Variants in UNC13B observed in about 807,000 individuals in gnomAD.
UNC13B encodes protein unc-13 homolog B.
A neutral mutation model predicts 211.0 loss-of-function variants in UNC13B; 144 were observed. The ratio of observed to expected loss-of-function variants is 0.68; its 90% CI spans 0.60 to 0.78. The LOEUF (loss-of-function observed/expected upper bound fraction) is 0.78. Ranked by LOEUF, UNC13B falls within the 30% of genes least tolerant of loss-of-function variation. The pLI is 0.00. For missense variants in UNC13B, 1,777 were observed against 2,002.0 expected (o/e 0.89, Z 2.14); for synonymous variants, 709 against 725.8 (o/e 0.98, Z 0.37).
chr9:35,328,659 CCTTCCTCCCTCCCTT>C (rs1208522384), intron 11 of UNC13B, among the ~76,000 whole-genome samples: 1 of 106,598 alleles, frequency 9.4e-6, no homozygotes, highest in African/African-American at 5.1e-5. Flanking sequence ...TTCCTTCCTT[CCTTCCTCCCTCCCTT>C]CCTTCCCTTC....
intron 37 of UNC13B, among the ~76,000 whole-genome samples, chr9:35,402,405 C>T (rs180817117): frequency 2.0e-4 from 30 of 152,030 alleles, no homozygotes; most frequent in African/African-American, 6.0e-4. Context: ...CCTCAGCCTC[C>T]CTAGTAGCTG....
chr9:35,259,323 A>G (rs916941159), intron 7 of UNC13B, among the ~76,000 whole-genome samples: 3 of 152,014 alleles, frequency 2.0e-5, no homozygotes, highest in African/African-American at 7.2e-5. Flanking sequence ...AACCCCCTCT[A>G]TCCCTGTTTA....
intron 22 of UNC13B, chr9:35,384,801 T>C: frequency 1.1e-6 from 1 of 908,458 alleles, no homozygotes; most frequent in South Asian, 5.1e-5. Context: ...GAAATAGGTA[T>C]AGTAGGAGGA....
At chr9:35,402,175 T>C (rs1336134747) in intron 37 of UNC13B, among the ~76,000 whole-genome samples, 1 of 152,150 alleles carries the variant, frequency 6.6e-6, no homozygotes, top group African/African-American at 2.4e-5. Context: ...AGGAAGGGGT[T>C]CTGTTGTTGA....
At chr9:35,250,763 A>G (rs2131589169) in intron 6 of UNC13B, among the ~76,000 whole-genome samples, 1 of 152,298 alleles carries the variant, frequency 6.6e-6, no homozygotes, top group Middle Eastern at 3.4e-3. Flanking sequence ...ATGACATTTT[A>G]TACTCCTACC....
chr9:35,315,835 T>A (rs1299564047), intron 11 of UNC13B, among the ~76,000 whole-genome samples: 1 of 152,230 alleles, frequency 6.6e-6, no homozygotes, highest in Non-Finnish European at 1.5e-5. Context: ...AGCATGTTCT[T>A]CAGTTTGGGT....
intron 11 of UNC13B, among the ~76,000 whole-genome samples, chr9:35,348,344 C>T (rs992130767): frequency 6.6e-6 from 1 of 152,192 alleles, no homozygotes. Flanking sequence ...TCTTCCTCAG[C>T]GTTCAGGCTG....
intron 1 of UNC13B, among the ~76,000 whole-genome samples, chr9:35,177,651 G>A (rs528301329): frequency 3.3e-5 from 5 of 152,264 alleles, no homozygotes; most frequent in African/African-American, 1.2e-4. Flanking sequence ...AAACAAACAG[G>A]ATATGATCAG....
At chr9:35,310,826 C>A (rs757198864) in intron 10 of UNC13B, 45 bp downstream of exon 10, 25 of 1,560,272 alleles carry the variant, frequency 1.6e-5, no homozygotes, top group Non-Finnish European at 1.9e-5. Flanking sequence ...TTCCTCAGTA[C>A]CTGCCCTGTG....
At chr9:35,387,870 G>A (rs1835285270) in intron 24 of UNC13B, among the ~76,000 whole-genome samples, 1 of 152,084 alleles carries the variant, frequency 6.6e-6, no homozygotes, top group African/African-American at 2.4e-5. Flanking sequence ...TTGTTATTTT[G>A]TTGTTACTAT....
Position 35,404,397 on chromosome 9 carries a change from C to T in UNC13B, c.*364C>T. The T allele has an allele frequency of 2.4e-5, 6 of 251,912 alleles. No homozygotes were observed. The East Asian group carries it at 3.5e-4, about 15-fold the overall frequency. 15.6% of individuals were successfully genotyped at this position (251,912 alleles called of 1,614,324 possible). ...CACACCTTATCCAGTTAGACACATA[C>T]ATACCAATCATTAGAAGAACAAGTT... On this transcript the variant is annotated 3_prime_UTR_variant, in exon 40 of 40. Coordinates refer to ENST00000635942, the MANE Select transcript of UNC13B (RefSeq NM_001371189.2).
chr9:35,206,793 G>C (rs1175155084), intron 1 of UNC13B, among the ~76,000 whole-genome samples: 1 of 149,822 alleles, frequency 6.7e-6, no homozygotes, highest in African/African-American at 2.5e-5. Flanking sequence ...GGAATCACTT[G>C]AACTGAGGAG....
Position 35,399,206 on chromosome 9 carries a change from T to C in UNC13B, c.12120T>C (p.Arg4040=). Residue 4040 remains arginine (R), a synonymous_variant, in exon 34 of 40, where the codon CGT becomes CGC. Transcript: ENST00000635942. ...TGTGTGAGAAGACGGTTCTGAAGCG[T>C]GTACTGAAGGAGCTCTGGCGCGTGG... is the stretch of plus-strand genomic sequence containing the variant. ...ATVCEKTVLK[R]VLKELWRVVM... is the part of the protein sequence containing the mutation. 1.2e-6 allele frequency: 2 copies of C among 1,614,062 alleles called. No homozygotes were observed. The highest frequency in any genetic ancestry group is 8.5e-7 in the Non-Finnish European group (1 of 1,180,014).
chr9:35,317,651 T>C (rs1312409246), intron 11 of UNC13B, among the ~76,000 whole-genome samples: 2 of 150,736 alleles, frequency 1.3e-5, no homozygotes, highest in African/African-American at 4.9e-5. Context: ...GCCTCCCTAG[T>C]AGCTGGGACT....
intron 1 of UNC13B, among the ~76,000 whole-genome samples, chr9:35,223,972 T>G (rs1824701049): frequency 1.3e-5 from 2 of 152,190 alleles, no homozygotes; most frequent in African/African-American, 4.8e-5. Flanking sequence ...ATACATGGAT[T>G]TATTTCTGGG....
intron 7 of UNC13B, among the ~76,000 whole-genome samples, chr9:35,265,753 A>G (rs555219457): frequency 2.6e-5 from 4 of 152,176 alleles, no homozygotes; most frequent in Non-Finnish European, 5.9e-5. Context: ...TCCAAGCAAC[A>G]TAGTGAGACC....
Position 35,301,233 on chromosome 9 carries a change from T to G in UNC13B, c.1829T>G (p.Ile610Arg). ...TCTCAAAAAGATGATAATGTGAATATAGACAGACATAGAAAAACCTCTGAA... is the reference window on the plus strand; with the variant it reads ...TCTCAAAAAGATGATAATGTGAATAGAGACAGACATAGAAAAACCTCTGAA... The part of the protein sequence containing the change: ...LSSQKDDNVN[I>R]DRHRKTSENE... The change falls in exon 9 of 40, where the codon ATA (isoleucine) becomes AGA (arginine). Residue 610 changes from isoleucine (I) to arginine (R), a missense_variant. Transcript: ENST00000635942. 5.0e-6 allele frequency: 2 copies of G among 398,870 alleles called. No homozygotes were observed. Among genetic ancestry groups the G allele is most frequent in the Non-Finnish European group, 8.9e-6 (2 of 225,940 alleles). The allele number at this position is 398,870 out of a possible 1,614,324, so 24.7% of individuals were successfully genotyped here.
chr9:35,277,450 C>T (rs1451363735), intron 7 of UNC13B, among the ~76,000 whole-genome samples: 1 of 152,160 alleles, frequency 6.6e-6, no homozygotes, highest in African/African-American at 2.4e-5. Context: ...GTAGAAATGA[C>T]ATTGAAGCAG....
At position 35,366,995 on chromosome 9, in the gene UNC13B, T is replaced by A; in HGVS notation, c.9461+2T>A. ...TCTGCCTCAGTGGCTCCCGGAAGGG[T>A]AAGTAATTCACTGCAAGGTTTCTGT... is the stretch of plus-strand genomic sequence containing the variant. On this transcript the variant is annotated splice_donor_variant, in intron 12 of 39. Coordinates refer to ENST00000635942, the MANE Select transcript of UNC13B (RefSeq NM_001371189.2). LOFTEE classifies it high-confidence loss of function. 1 of 1,613,260 alleles carries A rather than the reference T, an allele frequency of 6.2e-7. No homozygotes were observed. The highest frequency in any genetic ancestry group is 1.1e-5 in the South Asian group (1 of 91,052).
Sources: allele counts gnomAD v4.1 joint callset (sites outside exome capture counted in the v4.1 genomes callset), GRCh38; gene constraint gnomAD v4.1.1; transcripts MANE v1.5; gene names NCBI Gene and HGNC (gene_info 2026-07-23, HGNC 2026-07-21).